The following ZNF26 variants were observed in gnomAD, a reference collection of about 807,000 sequenced individuals.
The protein encoded by ZNF26 is epididymis luminal protein 179.
ZNF26 carries 32 observed loss-of-function variants against 54.9 expected under a neutral mutation model. The observed-to-expected ratio is 0.58, with a 90% CI of 0.44 to 0.78. The LOEUF is 0.78. Ranked by LOEUF, ZNF26 falls within the 30% of genes least tolerant of loss-of-function variation. The pLI, the probability that ZNF26 is intolerant of heterozygous loss-of-function variation, is 0.00. For missense variants in ZNF26, 524 were observed against 634.0 expected (o/e 0.83, Z 1.86); for synonymous variants, 221 against 209.2 (o/e 1.06, Z -0.49).
At chr12:133,002,686 C>T (rs1463479405) in intron 1 of ZNF26, among the ~76,000 whole-genome samples, 1 of 151,760 alleles carries the variant, frequency 6.6e-6, no homozygotes, top group Admixed American at 6.6e-5. Context: ...TGCAGTGGTG[C>T]GATTTCTACT....
At chr12:133,000,864 T>C (rs1456464788) in intron 1 of ZNF26, among the ~76,000 whole-genome samples, 2 of 152,100 alleles carry the variant, frequency 1.3e-5, no homozygotes, top group African/African-American at 4.8e-5. Flanking sequence ...TGGCCTGTTT[T>C]CATTCGTATC....
At chr12:133,008,222 A>G (rs1953377250) in intron 3 of ZNF26, among the ~76,000 whole-genome samples, 1 of 152,174 alleles carries the variant, frequency 6.6e-6, no homozygotes, top group Admixed American at 6.5e-5. Flanking sequence ...TCTCAGTATC[A>G]GAAATGGGGA....
At chr12:132,996,879 TG>T (rs1953095961) in intron 1 of ZNF26, among the ~76,000 whole-genome samples, 1 of 149,764 alleles carries the variant, frequency 6.7e-6, no homozygotes. Context: ...CTTTTCTTAC[TG>T]GTTCTCATGG....
rs981696497 is a variant in ZNF26, at chr12:133,011,648, A to G, written c.*167A>G. 20 of 533,380 alleles carry G rather than the reference A, an allele frequency of 3.7e-5. No homozygotes were observed. The highest frequency in any genetic ancestry group is 3.1e-4 in the Admixed American group (8 of 26,184). The allele number at this position is 533,380 out of a possible 1,614,324, so 33.0% of individuals were successfully genotyped here. On this transcript the variant is annotated 3_prime_UTR_variant, in exon 4 of 4. Coordinates refer to ENST00000328654, the MANE Select transcript of ZNF26 (RefSeq NM_019591.4). ...GTAAAAGCTTTCAGAAATAAGTTAC[A>G]AATCTTTGTAGATGAAAATAATGGA...
chr12:132,991,635 A>G (rs1415080863), intron 1 of ZNF26, among the ~76,000 whole-genome samples: 1 of 50,820 alleles, frequency 2.0e-5, no homozygotes, highest in African/African-American at 4.5e-5. Context: ...AACAACAAAA[A>G]AAAAAAAAAC....
intron 1 of ZNF26, among the ~76,000 whole-genome samples, chr12:132,988,128 C>T (rs1164478596): frequency 6.6e-6 from 1 of 152,232 alleles, no homozygotes; most frequent in South Asian, 2.1e-4. Flanking sequence ...TGAGCCTCAG[C>T]CTCCCGAGTA....
intron 1 of ZNF26, among the ~76,000 whole-genome samples, chr12:132,993,490 A>G (rs1464373057): frequency 4.2e-5 from 6 of 142,272 alleles, no homozygotes; most frequent in African/African-American, 1.6e-4. Flanking sequence ...TTTTTTTGAG[A>G]TGGAGTCCAG....
At chr12:132,992,278 GA>G (rs1952981206) in intron 1 of ZNF26, among the ~76,000 whole-genome samples, 1 of 151,880 alleles carries the variant, frequency 6.6e-6, no homozygotes, top group Non-Finnish European at 1.5e-5. Flanking sequence ...ACTTTTGAAG[GA>G]TAATTTTGCA....
intron 1 of ZNF26, among the ~76,000 whole-genome samples, chr12:132,991,414 C>G (rs1952952247): frequency 6.6e-6 from 1 of 151,734 alleles, no homozygotes; most frequent in African/African-American, 2.4e-5. Context: ...AGGAGAATCG[C>G]TTGAACTCAG....
chr12:133,002,248 G>A (rs1252882442), intron 1 of ZNF26, among the ~76,000 whole-genome samples: 1 of 152,114 alleles, frequency 6.6e-6, no homozygotes, highest in Non-Finnish European at 1.5e-5. Context: ...CTGTCTCTCA[G>A]CGTGCCATGC....
rs1407202802 is a variant in ZNF26, at chr12:133,017,397, A to C, written c.*5916A>C. On this transcript the variant is annotated 3_prime_UTR_variant, in exon 4 of 4. Transcript: ENST00000328654. ...GGATGACCTGCTGAAGGTGGTTTGA[A>C]GTACCAGCTTAGTGGCAGTACTTGA... The C allele has an allele frequency of 6.6e-6, 1 of 152,226 alleles. No homozygotes were observed. Among genetic ancestry groups the C allele is most frequent in the Non-Finnish European group, 1.5e-5 (1 of 68,080 alleles). The allele number at this position is 152,226 out of a possible 1,614,324, so 9.4% of individuals were successfully genotyped here.
intron 1 of ZNF26, among the ~76,000 whole-genome samples, chr12:132,993,813 A>G (rs1953017517): frequency 6.6e-6 from 1 of 152,120 alleles, no homozygotes; most frequent in African/African-American, 2.4e-5. Context: ...ATAGCTAGAC[A>G]TGATGTACTG....
chr12:133,003,992 A>G (rs936598943), intron 1 of ZNF26, among the ~76,000 whole-genome samples: 131 of 152,296 alleles, frequency 8.6e-4, no homozygotes, highest in African/African-American at 3.0e-3. Flanking sequence ...GCTTTCATTG[A>G]TGTAGCATTT....
At chr12:133,009,591 CA>C (rs201001282) in intron 3 of ZNF26, among the ~76,000 whole-genome samples, 30,437 of 142,218 alleles carry the variant, frequency 0.21, 3,784 homozygotes, top group Non-Finnish European at 0.3. Context: ...GACCCTGTCT[CA>C]AAAAAAAAAA....
At position 133,010,348 on chromosome 12, in the gene ZNF26, G is replaced by A; in HGVS notation, c.469G>A (p.Glu157Lys). 1 of 1,613,832 alleles carries A rather than the reference G, an allele frequency of 6.2e-7. No homozygotes were observed. The highest frequency in any genetic ancestry group is 8.5e-7 in the Non-Finnish European group (1 of 1,179,946). ...RKNPDKFHGY[E>K]EPYFLKHQRA... is the part of the protein sequence containing the mutation. ...GAATCCTGATAAGTTTCATGGTTAT[G>A]AAGAACCATATTTTCTTAAGCATCA... The change falls in exon 4 of 4, where the codon GAA becomes AAA. Residue 157 changes from glutamate to lysine, a missense_variant. By Grantham distance (56) the Glu-to-Lys change is moderately conservative. Coordinates refer to ENST00000328654, the MANE Select transcript of ZNF26 (RefSeq NM_019591.4).
In ZNF26 at chr12:133,001,738, C is replaced by T. The variant is rs953245404; in HGVS notation, c.34-5304C>T. 152 of 1,287,172 alleles carry T rather than the reference C, an allele frequency of 1.2e-4. 1 individual carries two copies. Among genetic ancestry groups the T allele is most frequent in the Admixed American group, 4.6e-4 (20 of 43,544 alleles). 79.7% of individuals were successfully genotyped at this position (1,287,172 alleles called of 1,614,324 possible). On this transcript the variant is annotated intron_variant, in intron 1 of 3. Transcript: ENST00000328654. The surrounding 1 kb of genome is among the most constrained non-coding windows in gnomAD (Gnocchi z 4.7). Reference sequence around the variant, plus strand: ...AAACAGTGCCCTGCCTGAGGTGAGCCGCAGGGAGGCGGGGCCCTGTTTGAG... The same window carrying T: ...AAACAGTGCCCTGCCTGAGGTGAGCTGCAGGGAGGCGGGGCCCTGTTTGAG...
At chr12:133,000,418 ATTTTTTTTT>A (rs139011460) in intron 1 of ZNF26, among the ~76,000 whole-genome samples, 5 of 60,992 alleles carry the variant, frequency 8.2e-5, no homozygotes, top group East Asian at 5.1e-4. Flanking sequence ...TACCTGGCTA[ATTTTTTTTT>A]TTTTTTTTTT....
At chr12:132,992,039 T>C (rs1454297131) in intron 1 of ZNF26, among the ~76,000 whole-genome samples, 1 of 151,798 alleles carries the variant, frequency 6.6e-6, no homozygotes, top group Non-Finnish European at 1.5e-5. Flanking sequence ...GCCTGGCTAC[T>C]TGGGAGGCTG....
In ZNF26 at chr12:132,989,028, ATTTTTTTTTTTTTTTTT is replaced by A. The variant is rs150395603; in HGVS notation, c.33+2167_33+2183del. On this transcript the variant is annotated intron_variant, in intron 1 of 3. Coordinates refer to ENST00000328654, the MANE Select transcript of ZNF26 (RefSeq NM_019591.4). ...TGTAGTTCCAGGAGTCTTTCGGTGA[ATTTTTTTTTTTTTTTTT>A]TTTTTTTTTTTGAGACAGAGTCTCG... is the stretch of plus-strand genomic sequence containing the variant. 5.1e-5 allele frequency among the ~76,000 whole-genome samples: 4 copies of A among 78,826 alleles called. No homozygotes were observed. In the East Asian group the frequency reaches 1.8e-3, roughly 35 times the overall value. 51.7% of individuals were successfully genotyped at this position (78,826 alleles called of 152,430 possible). A position where few individuals can be genotyped will look rare whatever the true frequency, so the allele number is the denominator to read the frequency against.
Sources: gnomAD v4.1 joint callset for allele counts (sites outside exome capture counted in the v4.1 genomes callset) on GRCh38, gnomAD v4.1.1 for gene constraint, Gnocchi (gnomAD v3.1) non-coding constraint, MANE v1.5 for transcripts, NCBI Gene and HGNC (gene_info 2026-07-23, HGNC 2026-07-21) for gene names.